Variants in VPS41 observed in about 807,000 individuals in gnomAD.
VPS41 encodes vacuolar protein sorting-associated protein 41 homolog.
A neutral mutation model predicts 130.9 loss-of-function variants in VPS41; 85 were observed. The ratio of observed to expected loss-of-function variants is 0.65; its 90% CI spans 0.55 to 0.78. The LOEUF is 0.78. Among genes scored for constraint, VPS41 ranks in the 30% least tolerant of loss-of-function variants. VPS41 has a pLI of 0.00. For synonymous variants in VPS41, 335 were observed against 332.9 expected (o/e 1.01, Z -0.07); for missense variants, 874 against 1,018.7 (o/e 0.86, Z 1.93).
rs139024751 is a variant in VPS41, at chr7:38,856,666, A to G, written c.246+5879T>C. Among the ~76,000 whole-genome samples, 582 of 152,306 alleles carry G rather than the reference A, an allele frequency of 3.8e-3. 2 individuals carry two copies. Among genetic ancestry groups the G allele is most frequent in the Non-Finnish European group, 6.6e-3 (451 of 68,020 alleles). ...CCAGGAGACATGGCAACTATCCTCC[A>G]AGACGTTAAATAGGAATGTGAGGCT... On this transcript the variant is annotated intron_variant, in intron 4 of 28. Transcript: ENST00000310301.
At chr7:38,888,363 C>T (rs1401609483) in intron 2 of VPS41, among the ~76,000 whole-genome samples, 1 of 152,088 alleles carries the variant, frequency 6.6e-6, no homozygotes, top group African/African-American at 2.4e-5. Context: ...GAAAAAAAAG[C>T]AGGGGTTGCA....
intron 2 of VPS41, among the ~76,000 whole-genome samples, chr7:38,877,922 C>T (rs940791988): frequency 6.6e-6 from 1 of 152,152 alleles, no homozygotes; most frequent in Non-Finnish European, 1.5e-5. Flanking sequence ...CTCACAGAGC[C>T]GACCCCTGCC....
At chr7:38,794,136 A>G (rs1784579723) in intron 9 of VPS41, among the ~76,000 whole-genome samples, 1 of 152,206 alleles carries the variant, frequency 6.6e-6, no homozygotes, top group South Asian at 2.1e-4. Context: ...AAAGAAAATC[A>G]GAACTTTAAA....
At chr7:38,883,561 A>G (rs926479681) in intron 2 of VPS41, among the ~76,000 whole-genome samples, 1 of 152,166 alleles carries the variant, frequency 6.6e-6, no homozygotes, top group African/African-American at 2.4e-5. Context: ...TTGGTTTATT[A>G]TATATTTAAG....
At chr7:38,728,294 G>C (rs1399509110) in intron 27 of VPS41, 10 of 654,788 alleles carry the variant, frequency 1.5e-5, no homozygotes, top group Admixed American at 4.6e-5. Context: ...GTCTGACTGG[G>C]TCAGCGATCT....
intron 25 of VPS41, among the ~76,000 whole-genome samples, chr7:38,730,508 CATTA>C (rs1366980916): frequency 6.6e-5 from 10 of 152,202 alleles, no homozygotes; most frequent in Admixed American, 1.3e-4. Context: ...AGTATTCCTA[CATTA>C]ATTGAGAAAC....
intron 7 of VPS41, among the ~76,000 whole-genome samples, chr7:38,809,710 C>G (rs928711988): frequency 1.3e-4 from 20 of 152,136 alleles, no homozygotes; most frequent in African/African-American, 4.6e-4. Context: ...GCAACTTGCC[C>G]CTGCGGCCAG....
intron 22 of VPS41, among the ~76,000 whole-genome samples, chr7:38,746,414 G>C (rs1795985893): frequency 6.6e-6 from 1 of 152,118 alleles, no homozygotes; most frequent in Non-Finnish European, 1.5e-5. Flanking sequence ...ATGATTATAG[G>C]TAAGAGGAAA....
Position 38,726,029 on chromosome 7 carries a change from T to A in VPS41, c.*217A>T. On this transcript the variant is annotated 3_prime_UTR_variant, in exon 29 of 29. Transcript: ENST00000310301. ...AACAAATAAATAACAAAATATTCAC[T>A]ATGGACCCCAAAATTTCAAGGCATG... 1.9e-6 allele frequency: 1 copy of A among 522,342 alleles called. No homozygotes were observed. Among genetic ancestry groups the A allele is most frequent in the South Asian group, 2.9e-5 (1 of 33,950 alleles). 32.4% of individuals were successfully genotyped at this position (522,342 alleles called of 1,614,324 possible).
At chr7:38,745,777 A>C (rs944881386) in intron 22 of VPS41, 164 bp from the exon 23 acceptor site, 27 of 637,216 alleles carry the variant, frequency 4.2e-5, no homozygotes, top group Non-Finnish European at 6.9e-5. Flanking sequence ...AGCTGCACTC[A>C]GTTACCTCTC....
intron 21 of VPS41, 76 bp from the exon 22 acceptor site, chr7:38,752,389 C>T: frequency 6.4e-7 from 1 of 1,554,580 alleles, no homozygotes; most frequent in Non-Finnish European, 8.8e-7. Context: ...CTATTTTTAG[C>T]TCTAAACACC....
chr7:38,759,302 T>C (rs921772919), intron 17 of VPS41, among the ~76,000 whole-genome samples: 1 of 152,182 alleles, frequency 6.6e-6, no homozygotes, highest in Non-Finnish European at 1.5e-5. Flanking sequence ...AACTAATTGC[T>C]TTCTTGGTGT....
chr7:38,905,963 T>C (rs1267735420), intron 1 of VPS41, among the ~76,000 whole-genome samples: 1 of 151,910 alleles, frequency 6.6e-6, no homozygotes, highest in Non-Finnish European at 1.5e-5. Flanking sequence ...CTGACTAATT[T>C]TTTTGTATTT....
intron 4 of VPS41, among the ~76,000 whole-genome samples, chr7:38,836,652 A>AT (rs1785501708): frequency 6.8e-6 from 1 of 146,916 alleles, no homozygotes; most frequent in South Asian, 2.3e-4. Flanking sequence ...AGAAATTTGA[A>AT]TTTTTTAGTC....
At position 38,808,207 on chromosome 7, in the gene VPS41, T is replaced by C. The variant is rs982354452; in HGVS notation, c.450+9610A>G. On this transcript the variant is annotated intron_variant, in intron 7 of 28. Transcript: ENST00000310301. ...CTACATATTGACATCAAAAAAGCAA[T>C]CAGCAATGAAGAACACCTGTTTTTC... Among the ~76,000 whole-genome samples, 10 of 152,256 alleles carry C rather than the reference T, an allele frequency of 6.6e-5. No individual in the cohort carries two copies. The South Asian group carries it at 1.9e-3, about 28-fold the overall frequency.
In VPS41 at chr7:38,804,788, T is replaced by C. The variant is rs147608604; in HGVS notation, c.451-7924A>G. Among the ~76,000 whole-genome samples the C allele has an allele frequency of 1.5e-3, 235 of 152,362 alleles. 1 individual carries two copies. Among genetic ancestry groups the C allele is most frequent in the African/African-American group, 5.1e-3 (213 of 41,584 alleles). On this transcript the variant is annotated intron_variant, in intron 7 of 28. Coordinates refer to ENST00000310301, the MANE Select transcript of VPS41 (RefSeq NM_014396.4). Reference sequence around the variant, plus strand: ...CCCTATTTAGACTACTAATCTGCAATTGCTGCAAATGCAAGCACATAATTA... The same window carrying C: ...CCCTATTTAGACTACTAATCTGCAACTGCTGCAAATGCAAGCACATAATTA...
intron 5 of VPS41, among the ~76,000 whole-genome samples, chr7:38,824,252 T>C (rs988277495): frequency 6.6e-6 from 1 of 152,242 alleles, no homozygotes; most frequent in South Asian, 2.1e-4. Flanking sequence ...TGTGTCAACA[T>C]GCTTTACCTT....
chr7:38,776,011 AT>A (rs1784252540), intron 11 of VPS41, among the ~76,000 whole-genome samples: 1 of 152,124 alleles, frequency 6.6e-6, no homozygotes, highest in Non-Finnish European at 1.5e-5. Context: ...GACTCTCATA[AT>A]AAAGACAAGC....
At chr7:38,777,051 G>A (rs1349669516) in intron 10 of VPS41, among the ~76,000 whole-genome samples, 2 of 152,168 alleles carry the variant, frequency 1.3e-5, no homozygotes, top group Non-Finnish European at 2.9e-5. Context: ...GGGTGACACT[G>A]TGCTTAGGTA....
Sources: allele counts gnomAD v4.1 joint callset (sites outside exome capture counted in the v4.1 genomes callset), GRCh38; gene constraint gnomAD v4.1.1; transcripts MANE v1.5; gene names NCBI Gene and HGNC (gene_info 2026-07-23, HGNC 2026-07-21).